LNPK: variants seen among roughly 807,000 people sequenced by gnomAD.
The protein encoded by LNPK is lunapark, ER junction formation factor.
A neutral mutation model predicts 55.2 loss-of-function variants in LNPK; 29 were observed. The observed-to-expected ratio is 0.53, with a 90% CI of 0.39 to 0.72. The LOEUF is 0.72. Ranked by LOEUF, LNPK falls within the 30% of genes least tolerant of loss-of-function variation. LNPK has a pLI of 0.00. For synonymous variants in LNPK, 162 were observed against 168.2 expected (o/e 0.96, Z 0.29); for missense variants, 467 against 494.8 (o/e 0.94, Z 0.53).
intron 4 of LNPK, among the ~76,000 whole-genome samples, chr2:175,990,864 T>C (rs1381891902): frequency 6.6e-6 from 1 of 151,760 alleles, no homozygotes; most frequent in Non-Finnish European, 1.5e-5. Context: ...ATATACTAGA[T>C]GCAGGTGATG....
At chr2:175,956,953 A>G (rs976788664) in intron 8 of LNPK, among the ~76,000 whole-genome samples, 1 of 152,130 alleles carries the variant, frequency 6.6e-6, no homozygotes, top group Non-Finnish European at 1.5e-5. Flanking sequence ...TAAATTTATG[A>G]CTATTCATTT....
intron 9 of LNPK, among the ~76,000 whole-genome samples, chr2:175,943,865 A>C (rs574706330): frequency 6.6e-6 from 1 of 152,218 alleles, no homozygotes; most frequent in East Asian, 1.9e-4. Context: ...CCTAAGACCA[A>C]CAAAAAGGCA....
At chr2:175,994,914 A>ATTTTTTTTTT (rs35432943) in intron 2 of LNPK, among the ~76,000 whole-genome samples, 2 of 88,494 alleles carry the variant, frequency 2.3e-5, no homozygotes, top group African/African-American at 8.6e-5. Flanking sequence ...CTTGTATAGA[A>ATTTTTTTTTT]TTTTTTTTTT....
At chr2:175,932,513 G>A (rs1436113077) in intron 12 of LNPK, among the ~76,000 whole-genome samples, 1 of 152,082 alleles carries the variant, frequency 6.6e-6, no homozygotes, top group South Asian at 2.1e-4. Flanking sequence ...CTTCCCCTGG[G>A]TTAATTTGCA....
intron 4 of LNPK, among the ~76,000 whole-genome samples, chr2:175,980,209 C>T (rs188223978): frequency 6.6e-6 from 1 of 152,322 alleles, no homozygotes; most frequent in Admixed American, 6.5e-5. Context: ...GAATCCCTTA[C>T]TAAGTAAGCA....
In LNPK at chr2:175,930,116, T is replaced by C. The variant is rs748231677; in HGVS notation, c.1138A>G (p.Ile380Val). The change falls in exon 13 of 13, where the codon ATT becomes GTT. Residue 380 changes from isoleucine (I) to valine (V), a missense_variant. By Grantham distance (29) the Ile-to-Val change is conservative. Coordinates refer to ENST00000272748, the MANE Select transcript of LNPK (RefSeq NM_030650.3). ...IPATEQTNQV[I>V]EKASDSEEPE... Reference sequence around the variant, plus strand: ...TCCTCTGAGTCAGATGCTTTTTCAATCACTTGGTTTGTCTGTTCTGTAGCT... The same window carrying C: ...TCCTCTGAGTCAGATGCTTTTTCAACCACTTGGTTTGTCTGTTCTGTAGCT... 6 of 1,614,088 alleles carry C rather than the reference T, an allele frequency of 3.7e-6. No homozygotes were observed. The East Asian group carries it at 1.3e-4, about 36-fold the overall frequency.
chr2:175,965,787 T>C (rs1186039155), intron 6 of LNPK, among the ~76,000 whole-genome samples: 1 of 99,756 alleles, frequency 1.0e-5, no homozygotes, highest in Non-Finnish European at 2.0e-5. Context: ...GTTTATAGTA[T>C]CACTTTAGAG....
In LNPK at chr2:175,924,542, G is replaced by A. The variant is rs1683921463; in HGVS notation, c.*5425C>T. ...CATTGAGAGGCAGTGTAAAATTCAT[G>A]GTTCAATACAAATCATCCTGCATTA... On this transcript the variant is annotated 3_prime_UTR_variant, in exon 13 of 13. Transcript: ENST00000272748. The A allele has an allele frequency of 6.6e-6, 1 of 152,092 alleles. No homozygotes were observed. The highest frequency in any genetic ancestry group is 6.5e-5 in the Admixed American group (1 of 15,268). The allele number at this position is 152,092 out of a possible 1,614,324, so 9.4% of individuals were successfully genotyped here. A position where few individuals can be genotyped will look rare whatever the true frequency, so the allele number is the denominator to read the frequency against.
At chr2:175,944,196 T>C (rs1445225526) in intron 9 of LNPK, among the ~76,000 whole-genome samples, 1 of 152,058 alleles carries the variant, frequency 6.6e-6, no homozygotes, top group Non-Finnish European at 1.5e-5. Flanking sequence ...AATATGAAAT[T>C]AGATGTAAAT....
chr2:175,993,123 CAAT>C (rs1431272806), intron 3 of LNPK, 56 bp downstream of exon 3: 3 of 1,057,322 alleles, frequency 2.8e-6, no homozygotes, highest in South Asian at 3.0e-5. Flanking sequence ...ATATATACTA[CAAT>C]AATATTTACT....
At chr2:175,935,877 C>T (rs1405521766) in intron 12 of LNPK, 1 of 185,472 alleles carries the variant, frequency 5.4e-6, no homozygotes, top group African/African-American at 2.4e-5. Flanking sequence ...AAGTATGGGA[C>T]TCATTATCAA....
Position 176,002,190 on chromosome 2 carries a change from C to G in LNPK, c.-93G>C, listed in dbSNP as rs549544539. On this transcript the variant is annotated 5_prime_UTR_variant, in exon 1 of 13. Coordinates refer to ENST00000272748, the MANE Select transcript of LNPK (RefSeq NM_030650.3). ...AGAAGCGGGCGCAGCCCGGCCCGGG[C>G]GTCCACCCCCGCCAGTCTCGGCCGC... The G allele has an allele frequency of 8.1e-5, 36 of 446,230 alleles. No individual in the cohort carries two copies. In the East Asian group the frequency reaches 2.6e-3, roughly 33 times the overall value. The allele number at this position is 446,230 out of a possible 1,614,324, so 27.6% of individuals were successfully genotyped here. A position where few individuals can be genotyped will look rare whatever the true frequency, so the allele number is the denominator to read the frequency against.
chr2:175,956,825 T>A (rs1176475417), intron 8 of LNPK, among the ~76,000 whole-genome samples: 1 of 152,052 alleles, frequency 6.6e-6, no homozygotes, highest in Non-Finnish European at 1.5e-5. Context: ...GGCCCCCTTA[T>A]CAAATTATCT....
At chr2:175,960,013 T>C (rs1685926161) in intron 8 of LNPK, among the ~76,000 whole-genome samples, 1 of 152,190 alleles carries the variant, frequency 6.6e-6, no homozygotes, top group African/African-American at 2.4e-5. Context: ...AAGAGCTAAC[T>C]ATCCTAAATA....
intron 5 of LNPK, among the ~76,000 whole-genome samples, chr2:175,975,017 T>C (rs1000808726): frequency 1.8e-4 from 27 of 151,702 alleles, no homozygotes; most frequent in Non-Finnish European, 3.2e-4. Flanking sequence ...CTTATTTTTT[T>C]TTTTTTTTTT....
intron 8 of LNPK, among the ~76,000 whole-genome samples, chr2:175,951,611 C>CTCAGTT (rs1685423191): frequency 1.3e-5 from 1 of 77,542 alleles, no homozygotes; most frequent in African/African-American, 7.1e-5. Flanking sequence ...ATATATATAT[C>CTCAGTT]TCAGTTTCTT....
chr2:176,001,624 C>G (rs1330671110), intron 1 of LNPK, among the ~76,000 whole-genome samples: 6 of 152,136 alleles, frequency 3.9e-5, no homozygotes, highest in Non-Finnish European at 8.8e-5. Context: ...TACTCCACGC[C>G]CACACGCTAG....
At position 175,993,176 on chromosome 2, in the gene LNPK, A is replaced by C; in HGVS notation, c.69+6T>G. 6.5e-7 allele frequency: 1 copy of C among 1,528,584 alleles called. No individual in the cohort carries two copies. Among genetic ancestry groups the C allele is most frequent in the Non-Finnish European group, 8.9e-7 (1 of 1,119,432 alleles). 94.7% of individuals were successfully genotyped at this position (1,528,584 alleles called of 1,614,324 possible). On this transcript the variant is annotated splice_donor_region_variant and intron_variant, in intron 3 of 12. Transcript: ENST00000272748. ...AATTAAAATACCTCACAGCCAAAGAACATACCTTATCTATACTTTCTAGAA... is the reference window on the plus strand; with the variant it reads ...AATTAAAATACCTCACAGCCAAAGACCATACCTTATCTATACTTTCTAGAA...
chr2:175,995,936 C>G (rs564392047), intron 1 of LNPK, among the ~76,000 whole-genome samples: 2 of 150,338 alleles, frequency 1.3e-5, no homozygotes, highest in South Asian at 4.2e-4. Flanking sequence ...GCTCAGCCTC[C>G]TGAGTAGCTG....
Sources: gnomAD v4.1 joint callset for allele counts (sites outside exome capture counted in the v4.1 genomes callset) on GRCh38, gnomAD v4.1.1 for gene constraint, MANE v1.5 for transcripts, NCBI Gene and HGNC (gene_info 2026-07-23, HGNC 2026-07-21) for gene names.